The following TENT4B variants were observed in gnomAD, a reference collection of about 807,000 sequenced individuals.
The protein encoded by TENT4B is PAP associated domain containing 5.
A neutral mutation model predicts 75.0 loss-of-function variants in TENT4B; 10 were observed. That is an observed-to-expected ratio of 0.13 (90% CI 0.08 to 0.23). TENT4B has a LOEUF of 0.23. TENT4B is among the 10% of genes least tolerant of loss of function. The pLI is 1.00. For synonymous variants in TENT4B, 350 were observed against 357.7 expected, an observed-to-expected ratio of 0.98 and a Z score of 0.24; for missense variants, 579 against 893.8, an observed-to-expected ratio of 0.65 and a Z score of 4.49.
intron 3 of TENT4B, among the ~76,000 whole-genome samples, chr16:50,215,204 C>T (rs1166914785): frequency 2.6e-5 from 4 of 152,104 alleles, no homozygotes; most frequent in Admixed American, 2.6e-4. Context: ...TTGAACATTC[C>T]ATCATGGTTA....
chr16:50,189,009 C>T (rs980960437), intron 1 of TENT4B, among the ~76,000 whole-genome samples: 1 of 152,190 alleles, frequency 6.6e-6, no homozygotes, highest in Non-Finnish European at 1.5e-5. Flanking sequence ...GCCTCTGCTT[C>T]CCTGCGTGGT....
intron 5 of TENT4B, among the ~76,000 whole-genome samples, chr16:50,219,698 C>T (rs1022826080): frequency 1.4e-5 from 2 of 147,388 alleles, no homozygotes; most frequent in Non-Finnish European, 3.0e-5. Flanking sequence ...TTCTCCCTCC[C>T]CCTCTTCCTC....
At chr16:50,225,930 C>T (rs1008723997) in intron 10 of TENT4B, among the ~76,000 whole-genome samples, 26 of 151,990 alleles carry the variant, frequency 1.7e-4, no homozygotes, top group Admixed American at 1.6e-3. Flanking sequence ...GATCCACCCG[C>T]CTCAACCTCC....
In TENT4B at chr16:50,228,571, T is replaced by A. The variant is rs139758528; in HGVS notation, c.1965+568T>A. On this transcript the variant is annotated intron_variant, in intron 11 of 11. Transcript: ENST00000561678. Reference sequence around the variant, plus strand: ...TATGGGGCTCTGGCCTAAGGCTGGGTCACTCCTCACTATAGCTGGGAACCT... The same window carrying A: ...TATGGGGCTCTGGCCTAAGGCTGGGACACTCCTCACTATAGCTGGGAACCT... 2.3e-4 allele frequency among the ~76,000 whole-genome samples: 35 copies of A among 151,058 alleles called. No individual in the cohort carries two copies. The Middle Eastern group carries it at 0.01, about 44-fold the overall frequency.
rs2032313750 is a variant in TENT4B, at chr16:50,232,098, T to G, written c.*2770T>G. On this transcript the variant is annotated 3_prime_UTR_variant, in exon 12 of 12. Coordinates refer to ENST00000561678, the MANE Select transcript of TENT4B (RefSeq NM_001365324.3). ...AGAAATATTAATATTTAAAGACTGTTTTTTAGAGGAGCTGATGGGTTGGTG... is the reference window on the plus strand; with the variant it reads ...AGAAATATTAATATTTAAAGACTGTGTTTTAGAGGAGCTGATGGGTTGGTG... 1 of 985,396 alleles carries G rather than the reference T, an allele frequency of 1.0e-6. No homozygotes were observed. The allele number at this position is 985,396 out of a possible 1,614,324, so 61.0% of individuals were successfully genotyped here.
At position 50,232,051 on chromosome 16, in the gene TENT4B, C is replaced by A. The variant is rs2032312065; in HGVS notation, c.*2723C>A. 1 of 985,180 alleles carries A rather than the reference C, an allele frequency of 1.0e-6. No individual in the cohort carries two copies. The highest frequency in any genetic ancestry group is 1.2e-6 in the Non-Finnish European group (1 of 829,860). 61.0% of individuals were successfully genotyped at this position (985,180 alleles called of 1,614,324 possible). Reference sequence around the variant, plus strand: ...ACTCTGGTGACATTTCTCAGGCAGTCATGTATGTGTACCTGGCCATTAGAA... The same window carrying A: ...ACTCTGGTGACATTTCTCAGGCAGTAATGTATGTGTACCTGGCCATTAGAA... On this transcript the variant is annotated 3_prime_UTR_variant, in exon 12 of 12. Coordinates refer to ENST00000561678, the MANE Select transcript of TENT4B (RefSeq NM_001365324.3).
intron 1 of TENT4B, among the ~76,000 whole-genome samples, chr16:50,207,525 G>A (rs985253007): frequency 6.6e-6 from 1 of 152,100 alleles, no homozygotes; most frequent in African/African-American, 2.4e-5. Flanking sequence ...CCTAGAGAGG[G>A]CACTGTATTT....
At position 50,224,754 on chromosome 16, in the gene TENT4B, A is replaced by G. The variant is rs543220295; in HGVS notation, c.1479A>G (p.Ala493=). The part of the protein sequence containing the change: ...VVLSHAVSPI[A]KYYPNNETES... ...TGAGTCATGCTGTATCACCAATAGCAAAGTACTATCCCAACAATGAAACAG... is the reference window on the plus strand; with the variant it reads ...TGAGTCATGCTGTATCACCAATAGCGAAGTACTATCCCAACAATGAAACAG... Residue 493 remains alanine (A), a synonymous_variant, in exon 8 of 12, where the codon GCA becomes GCG. Transcript: ENST00000561678. 6.2e-6 allele frequency: 10 copies of G among 1,614,042 alleles called. No homozygotes were observed. In the African/African-American group the frequency reaches 9.3e-5, roughly 15 times the overall value.
intron 1 of TENT4B, among the ~76,000 whole-genome samples, chr16:50,171,192 G>C (rs2031223802): frequency 6.6e-6 from 1 of 152,120 alleles, no homozygotes; most frequent in Admixed American, 6.6e-5. Context: ...CTTGAGCCCA[G>C]GAGTTTGAGA....
In TENT4B at chr16:50,231,463, G is replaced by GT. The variant is rs1180218783; in HGVS notation, c.*2141dup. ...TTACCACACTGAAGTTTTTTTTGTT[G>GT]TTTTTTGTTTGTTTTTAAAGAATCA... On this transcript the variant is annotated 3_prime_UTR_variant, in exon 12 of 12. Transcript: ENST00000561678. 4 of 985,340 alleles carry GT rather than the reference G, an allele frequency of 4.1e-6. No homozygotes were observed. The African/African-American group carries it at 5.2e-5, about 13-fold the overall frequency. 61.0% of individuals were successfully genotyped at this position (985,340 alleles called of 1,614,324 possible).
chr16:50,172,082 G>T (rs1762944360), intron 1 of TENT4B, among the ~76,000 whole-genome samples: 1 of 151,436 alleles, frequency 6.6e-6, no homozygotes, highest in Non-Finnish European at 1.5e-5. Flanking sequence ...AGGTATAGTG[G>T]CTCATGCCTA....
chr16:50,155,657 G>C (rs2037883931), intron 1 of TENT4B, among the ~76,000 whole-genome samples: 1 of 152,106 alleles, frequency 6.6e-6, no homozygotes, highest in East Asian at 1.9e-4. Context: ...TCCAGAAAGG[G>C]AACCCTTTTA....
At chr16:50,203,627 G>T (rs1444480152) in intron 1 of TENT4B, among the ~76,000 whole-genome samples, 1 of 151,866 alleles carries the variant, frequency 6.6e-6, no homozygotes, top group Non-Finnish European at 1.5e-5. Flanking sequence ...TAGTTCTTGG[G>T]TCAAATTGTC....
chr16:50,206,362 T>A (rs1265144635), intron 1 of TENT4B, among the ~76,000 whole-genome samples: 1 of 150,356 alleles, frequency 6.7e-6, no homozygotes, highest in Non-Finnish European at 1.5e-5. Context: ...GTATTTTTTT[T>A]TTTTTTTTTT....
chr16:50,234,510 A>G lies in TENT4B; in HGVS notation c.*5182A>G. On this transcript the variant is annotated 3_prime_UTR_variant, in exon 12 of 12. Coordinates refer to ENST00000561678, the MANE Select transcript of TENT4B (RefSeq NM_001365324.3). ...GTGCTATTCATAGTTCTTCCCTAAG[A>G]CCATTTCATTATTACCTTTTATATT... 1.0e-6 allele frequency: 1 copy of G among 984,186 alleles called. No individual in the cohort carries two copies. The highest frequency in any genetic ancestry group is 1.2e-6 in the Non-Finnish European group (1 of 828,818). The allele number at this position is 984,186 out of a possible 1,614,324, so 61.0% of individuals were successfully genotyped here. A position where few individuals can be genotyped will look rare whatever the true frequency, so the allele number is the denominator to read the frequency against.
chr16:50,222,582 AT>A, intron 6 of TENT4B, 148 bp downstream of exon 6: 1 of 807,472 alleles, frequency 1.2e-6, no homozygotes, highest in Non-Finnish European at 1.9e-6. Flanking sequence ...AACTGGGTAC[AT>A]TTTATCATTT....
At chr16:50,177,730 G>A (rs979805381) in intron 1 of TENT4B, among the ~76,000 whole-genome samples, 6 of 151,640 alleles carry the variant, frequency 4.0e-5, no homozygotes, top group African/African-American at 1.5e-4. Context: ...CAATTTAATT[G>A]ATTTCTGCTC....
chr16:50,228,097 A>G (rs1474618320), intron 11 of TENT4B, 94 bp downstream of exon 11: 2 of 1,432,438 alleles, frequency 1.4e-6, no homozygotes, highest in African/African-American at 1.4e-5. Context: ...GTTTGAAGAA[A>G]ACGCTAGATT....
chr16:50,169,294 T>C (rs1299823230), intron 1 of TENT4B, among the ~76,000 whole-genome samples: 2 of 152,038 alleles, frequency 1.3e-5, no homozygotes, highest in Non-Finnish European at 2.9e-5. Context: ...TTGCTGGTTA[T>C]ATTCCTCTGG....
Sources: gnomAD v4.1 joint callset for allele counts (sites outside exome capture counted in the v4.1 genomes callset) on GRCh38, gnomAD v4.1.1 for gene constraint, MANE v1.5 for transcripts, NCBI Gene and HGNC (gene_info 2026-07-23, HGNC 2026-07-21) for gene names.